Variants in CLN6 observed in about 807,000 individuals in gnomAD.
The protein encoded by CLN6 is CLN6 transmembrane ER protein, also known as ceroid-lipofuscinosis neuronal protein 6.
Under a neutral mutation model 33.3 loss-of-function variants are expected in CLN6, and 22 were observed. The observed-to-expected ratio is 0.66, with a 90% CI of 0.47 to 0.94. CLN6 has a LOEUF of 0.94. CLN6 is among the 40% of genes least tolerant of loss of function. The probability of loss-of-function intolerance (pLI) is 0.00; values close to 1 mark genes in which losing one functional copy is unlikely to be tolerated. For missense variants in CLN6, 387 were observed against 417.1 expected (o/e 0.93, Z 0.63); for synonymous variants, 201 against 174.6 (o/e 1.15, Z -1.19).
chr15:68,229,389 C>T (rs2141156007), intron 1 of CLN6, 113 bp downstream of exon 1: 1 of 818,714 alleles, frequency 1.2e-6, no homozygotes, highest in East Asian at 3.6e-5. Flanking sequence ...TCCGCCCCGG[C>T]CAGCGCCGCA....
At chr15:68,255,309 C>T (rs961135511) in intron 1 of CLN6, among the ~76,000 whole-genome samples, 1 of 11,930 alleles carries the variant, frequency 8.4e-5, no homozygotes, top group African/African-American at 8.8e-5. Context: ...TGGACCTGAC[C>T]CCCCCCAATA....
At position 68,214,339 on chromosome 15, in the gene CLN6, TC is replaced by T; in HGVS notation, c.247del (p.Asp83ThrfsTer33). ...WFPLNKPSVGDYFHMAYNVIT... is the reference protein window; with the variant it reads ...WFPLNKPSVGXYFHMAYNVIT... ...GACGTTGTAGGCCATGTGGAAGTAGTCCCCAACACTGGGCTTGTTGAGTGGA... is the reference window on the plus strand; with the variant it reads ...GACGTTGTAGGCCATGTGGAAGTAGTCCCAACACTGGGCTTGTTGAGTGGA... On this transcript the variant is annotated frameshift_variant, in exon 3 of 7. Transcript: ENST00000249806. LOFTEE classifies it high-confidence loss of function. The T allele has an allele frequency of 6.2e-7, 1 of 1,614,070 alleles. No individual in the cohort carries two copies. The highest frequency in any genetic ancestry group is 1.3e-5 in the African/African-American group (1 of 75,018).
rs961352362 is a variant in CLN6, at chr15:68,227,276, T to G, written c.83+2226A>C. On this transcript the variant is annotated intron_variant, in intron 1 of 6. Coordinates refer to ENST00000249806, the MANE Select transcript of CLN6 (RefSeq NM_017882.3). This position sits in a 1 kb window ranked among gnomAD's most constrained non-coding sequence, Gnocchi z 4.1. ...CTGGTCTCGAACTCCTGGACTCAAG[T>G]GATCCACCCACCTTGGCCTCCCAAA... Among the ~76,000 whole-genome samples, 3 of 151,974 alleles carry G rather than the reference T, an allele frequency of 2.0e-5. No homozygotes were observed. Among genetic ancestry groups the G allele is most frequent in the African/African-American group, 7.2e-5 (3 of 41,444 alleles).
At position 68,238,476 on chromosome 15, in the gene CLN6, A is replaced by T. The variant is rs543410100; in HGVS notation, c.179+18214T>A. ...AAACCACAAAGCTCCAAAAGCAAAG[A>T]TCTTAAAAGTAGCCAGAGAGAAAAG... On this transcript the variant is annotated intron_variant, in intron 1 of 6. Coordinates refer to the CLN6 transcript ENST00000538696. Among the ~76,000 whole-genome samples, 4 of 152,276 alleles carry T rather than the reference A, an allele frequency of 2.6e-5. No homozygotes were observed. The East Asian group carries it at 7.7e-4, about 29-fold the overall frequency.
rs3837692 is a variant in CLN6 at position 68,207,979 on chromosome 15, G to GAC, written c.*159_*160dup. ...ATGCACTCTGCGCACACATATACAA[G>GAC]ACACACACACACACACACACGAATC... On this transcript the variant is annotated 3_prime_UTR_variant, in exon 7 of 7. Coordinates refer to ENST00000249806, the MANE Select transcript of CLN6 (RefSeq NM_017882.3). The GAC allele has an allele frequency of 0.36, 229,684 of 629,486 alleles. 17,969 individuals carry two copies. The highest frequency in any genetic ancestry group is 0.55 in the East Asian group (18,311 of 33,078). 39.0% of individuals were successfully genotyped at this position (629,486 alleles called of 1,614,324 possible).
chr15:68,229,401 A>T, intron 1 of CLN6, 101 bp downstream of exon 1: 2 of 946,636 alleles, frequency 2.1e-6, no homozygotes, highest in Non-Finnish European at 3.0e-6. Flanking sequence ...AGCGCCGCAC[A>T]CGAGGTTCCC....
At chr15:68,240,647 C>G (rs1490347383) in intron 1 of CLN6, among the ~76,000 whole-genome samples, 1 of 150,736 alleles carries the variant, frequency 6.6e-6, no homozygotes, top group Admixed American at 6.6e-5. Context: ...CAGGGGAGGG[C>G]CAGATAAAAT....
chr15:68,253,287 T>G (rs1892398661), intron 1 of CLN6, among the ~76,000 whole-genome samples: 1 of 152,266 alleles, frequency 6.6e-6, no homozygotes, highest in Admixed American at 6.5e-5. Flanking sequence ...TACATCACTG[T>G]GGCATGGATC....
At chr15:68,218,420 T>C in intron 2 of CLN6, 116 bp downstream of exon 2, 1 of 810,310 alleles carries the variant, frequency 1.2e-6, no homozygotes, top group South Asian at 1.4e-5. Flanking sequence ...AGGCCTATTC[T>C]CTCAGTTTAC....
chr15:68,222,613 C>A (rs2093240980), intron 1 of CLN6, among the ~76,000 whole-genome samples: 1 of 152,116 alleles, frequency 6.6e-6, no homozygotes, highest in Non-Finnish European at 1.5e-5. Context: ...GGGAGGTGTA[C>A]CCAACAGCTC....
intron 1 of CLN6, among the ~76,000 whole-genome samples, chr15:68,240,194 GA>G (rs1595829866): frequency 6.6e-6 from 1 of 152,044 alleles, no homozygotes; most frequent in Non-Finnish European, 1.5e-5. Context: ...ACTGTAAGAA[GA>G]AAAAAACTCC....
chr15:68,209,743 GGAA>G lies in CLN6; in HGVS notation c.556_558del (p.Phe186del), dbSNP rs2141137304. 1 of 1,613,584 alleles carries G rather than the reference GGAA, an allele frequency of 6.2e-7. No individual in the cohort carries two copies. Among genetic ancestry groups the G allele is most frequent in the South Asian group, 1.1e-5 (1 of 91,044 alleles). ...CCGCTGAAGTACATGAAGAGGATGAGGAAGAAGGGGATGTACCTGTGACAGGAA... is the reference window on the plus strand; with the variant it reads ...CCGCTGAAGTACATGAAGAGGATGAGGAAGGGGATGTACCTGTGACAGGAA... On this transcript the variant is annotated inframe_deletion, in exon 6 of 7. Transcript: ENST00000249806. The surrounding 1 kb of genome is among the most constrained non-coding windows in gnomAD (Gnocchi z 4.9).
chr15:68,252,262 C>T (rs146546077), intron 1 of CLN6, among the ~76,000 whole-genome samples: 50 of 152,206 alleles, frequency 3.3e-4, no homozygotes, highest in African/African-American at 1.1e-3. Flanking sequence ...GCGTGAGCCA[C>T]CACACCCGGT....
At chr15:68,222,010 G>A (rs2093237812) in intron 1 of CLN6, among the ~76,000 whole-genome samples, 1 of 149,214 alleles carries the variant, frequency 6.7e-6, no homozygotes, top group Admixed American at 6.6e-5. Flanking sequence ...GAGGTGAGAA[G>A]CGCCTCTGCC....
At chr15:68,214,267 G>A in intron 3 of CLN6, 23 bp downstream of exon 3, 1 of 1,558,704 alleles carries the variant, frequency 6.4e-7, no homozygotes, top group African/African-American at 1.4e-5. Flanking sequence ...TGACAGGAGA[G>A]AGTGGGGGCC....
chr15:68,237,971 A>T (rs934409900), intron 1 of CLN6, among the ~76,000 whole-genome samples: 4 of 152,074 alleles, frequency 2.6e-5, no homozygotes, highest in East Asian at 3.9e-4. Context: ...AAAAATACAA[A>T]AATTAGCTGA....
At position 68,228,788 on chromosome 15, in the gene CLN6, C is replaced by T. The variant is rs910504553; in HGVS notation, c.83+714G>A. ...CCTCTCCCACCTTCACCCTGCCTACCCCCTTACTGCCTGGCACAGCGCTGG... is the reference window on the plus strand; with the variant it reads ...CCTCTCCCACCTTCACCCTGCCTACTCCCTTACTGCCTGGCACAGCGCTGG... On this transcript the variant is annotated intron_variant, in intron 1 of 6. Transcript: ENST00000249806. The surrounding 1 kb of genome is among the most constrained non-coding windows in gnomAD (Gnocchi z 4.4). 5.9e-5 allele frequency among the ~76,000 whole-genome samples: 9 copies of T among 152,158 alleles called. No individual in the cohort carries two copies. The highest frequency in any genetic ancestry group is 2.2e-4 in the African/African-American group (9 of 41,420).
Position 68,209,528 on chromosome 15 carries a change from G to C in CLN6, c.665+109C>G. The C allele has an allele frequency of 6.8e-7, 1 of 1,467,270 alleles. No individual in the cohort carries two copies. The allele number at this position is 1,467,270 out of a possible 1,614,324, so 90.9% of individuals were successfully genotyped here. On this transcript the variant is annotated intron_variant, in intron 6 of 6. Coordinates refer to ENST00000249806, the MANE Select transcript of CLN6 (RefSeq NM_017882.3). This position sits in a 1 kb window ranked among gnomAD's most constrained non-coding sequence, Gnocchi z 4.9. The stretch of plus-strand genomic sequence containing the variant: ...ACAAGAAGAAGCACGGGCCCAAAGA[G>C]GGCCAGTCTCCCTGGGGCCACACAG...
upstream of CLN6, chr15:68,229,784 C>CGGGGCGGAGCGGAGGGTGGA: frequency 2.9e-6 from 1 of 346,888 alleles, no homozygotes; most frequent in Non-Finnish European, 5.0e-6. Context: ...CGGAGGGAGG[C>CGGGGCGGAGCGGAGGGTGGA]GGGGCGGAGG....
Sources: gnomAD v4.1 joint callset for allele counts (sites outside exome capture counted in the v4.1 genomes callset) on GRCh38, gnomAD v4.1.1 for gene constraint, Gnocchi (gnomAD v3.1) non-coding constraint, MANE v1.5 for transcripts, NCBI Gene and HGNC (gene_info 2026-07-23, HGNC 2026-07-21) for gene names.